CEMIP: variants seen among roughly 807,000 people sequenced by gnomAD.
CEMIP encodes cell migration inducing hyaluronidase 1.
A neutral mutation model predicts 156.9 loss-of-function variants in CEMIP; 105 were observed. The ratio of observed to expected loss-of-function variants is 0.67; its 90% confidence interval spans 0.57 to 0.79. The LOEUF is 0.79. CEMIP is among the 30% of genes least tolerant of loss of function. CEMIP has a pLI of 0.00. For synonymous variants in CEMIP, 676 were observed against 668.4 expected, an observed-to-expected ratio of 1.01 and a Z score of -0.17; for missense variants, 1,457 against 1,769.4, an observed-to-expected ratio of 0.82 and a Z score of 3.17.
At chr15:80,781,231 G>T (rs962612443) in intron 1 of CEMIP, among the ~76,000 whole-genome samples, 2 of 152,238 alleles carry the variant, frequency 1.3e-5, no homozygotes, top group Non-Finnish European at 2.9e-5. Context: ...ATATGGGATT[G>T]GGAGGATATA....
intron 1 of CEMIP, among the ~76,000 whole-genome samples, chr15:80,786,424 T>C (rs1895939674): frequency 6.6e-6 from 1 of 152,114 alleles, no homozygotes; most frequent in South Asian, 2.1e-4. Flanking sequence ...ATGAGTTTCA[T>C]CGTGTTGCTC....
intron 3 of CEMIP, among the ~76,000 whole-genome samples, chr15:80,877,719 C>G (rs1433900171): frequency 6.6e-6 from 1 of 152,240 alleles, no homozygotes; most frequent in African/African-American, 2.4e-5. Flanking sequence ...CATTGAGACT[C>G]TTTCCTGTGC....
At chr15:80,833,479 C>T (rs1897201114) in intron 1 of CEMIP, among the ~76,000 whole-genome samples, 1 of 152,040 alleles carries the variant, frequency 6.6e-6, no homozygotes, top group Admixed American at 6.6e-5. Flanking sequence ...TTTTTTTCCT[C>T]CAAAGGAATC....
intron 1 of CEMIP, among the ~76,000 whole-genome samples, chr15:80,799,616 C>T (rs534476319): frequency 6.6e-6 from 1 of 152,292 alleles, no homozygotes; most frequent in Admixed American, 6.5e-5. Context: ...GACATACTTG[C>T]ACTTATATTT....
chr15:80,817,677 TG>T (rs1373745341), intron 1 of CEMIP, among the ~76,000 whole-genome samples: 2 of 151,332 alleles, frequency 1.3e-5, no homozygotes, highest in Non-Finnish European at 2.9e-5. Context: ...TGGGAACATT[TG>T]GGGGTATGTG....
At chr15:80,845,532 G>A (rs546916032) in intron 1 of CEMIP, among the ~76,000 whole-genome samples, 1 of 152,308 alleles carries the variant, frequency 6.6e-6, no homozygotes, top group South Asian at 2.1e-4. Context: ...TGTCAGTGGA[G>A]CCTATTTGAG....
At chr15:80,903,036 T>A (rs1899638060) in intron 12 of CEMIP, 1 of 152,194 alleles carries the variant, frequency 6.6e-6, no homozygotes, top group Admixed American at 6.5e-5. Context: ...TGAGCTGAGT[T>A]GGAATCTGAC....
chr15:80,846,147 C>T (rs551493169), intron 1 of CEMIP, among the ~76,000 whole-genome samples: 1 of 152,314 alleles, frequency 6.6e-6, no homozygotes, highest in Admixed American at 6.5e-5. Context: ...GAAGCACAGT[C>T]ATGGAATACT....
intron 1 of CEMIP, among the ~76,000 whole-genome samples, chr15:80,808,280 G>A (rs1896564459): frequency 6.6e-6 from 1 of 152,162 alleles, no homozygotes; most frequent in Non-Finnish European, 1.5e-5. Flanking sequence ...TGCTGGGGAT[G>A]GCCCACCTGC....
chr15:80,902,453 C>T (rs1232245460), intron 12 of CEMIP, among the ~76,000 whole-genome samples: 3 of 152,050 alleles, frequency 2.0e-5, no homozygotes, highest in Admixed American at 6.6e-5. Context: ...GGATGGGGTG[C>T]GGGGGAGTCA....
At chr15:80,916,003 A>G (rs1204675657) in intron 14 of CEMIP, among the ~76,000 whole-genome samples, 1 of 152,216 alleles carries the variant, frequency 6.6e-6, no homozygotes, top group Non-Finnish European at 1.5e-5. Flanking sequence ...ATTAACATAA[A>G]TCATATCATA....
In CEMIP at chr15:80,949,039, CGT is replaced by C; in HGVS notation, c.*118_*119del. ...CCTGCCAGCAGCTGCCTGGGAAGGC[CGT>C]GTTTCAGCCCTGATGGGCCAAGGGA... On this transcript the variant is annotated 3_prime_UTR_variant, in exon 30 of 30. Transcript: ENST00000394685. 7.1e-7 allele frequency: 1 copy of C among 1,403,366 alleles called. No individual in the cohort carries two copies. The highest frequency in any genetic ancestry group is 1.2e-5 in the South Asian group (1 of 86,446). 86.9% of individuals were successfully genotyped at this position (1,403,366 alleles called of 1,614,324 possible). A position where few individuals can be genotyped will look rare whatever the true frequency, so the allele number is the denominator to read the frequency against.
chr15:80,868,196 A>C (rs1024065498), intron 1 of CEMIP, among the ~76,000 whole-genome samples: 2 of 152,024 alleles, frequency 1.3e-5, no homozygotes, highest in African/African-American at 4.8e-5. Context: ...AGCTTCTCTG[A>C]CCACCACAAG....
At position 80,878,746 on chromosome 15, in the gene CEMIP, C is replaced by A; in HGVS notation, c.120C>A (p.Ser40Arg). The change falls in exon 4 of 30, where the codon AGC (serine) becomes AGA (arginine). Residue 40 changes from serine (S) to arginine (R), a missense_variant. Ser to Arg is a moderately radical substitution (Grantham distance 110, BLOSUM62 -1). Around this residue, in one of 5 missense-constraint regions of CEMIP, gnomAD observed 309 missense variants for 340.8 expected, o/e 0.91. Coordinates refer to ENST00000394685, the MANE Select transcript of CEMIP (RefSeq NM_001293298.2). ...STVAAGCPDQSPELQPWNPGH... is the reference protein window; with the variant it reads ...STVAAGCPDQRPELQPWNPGH... ...TGGCTGCTGGGTGCCCTGACCAGAGCCCTGAGTTGCAACCCTGGAACCCTG... is the reference window on the plus strand; with the variant it reads ...TGGCTGCTGGGTGCCCTGACCAGAGACCTGAGTTGCAACCCTGGAACCCTG... 1 of 1,614,152 alleles carries A rather than the reference C, an allele frequency of 6.2e-7. No homozygotes were observed. Among genetic ancestry groups the A allele is most frequent in the South Asian group, 1.1e-5 (1 of 91,086 alleles).
chr15:80,881,436 G>T (rs914911995), intron 6 of CEMIP, among the ~76,000 whole-genome samples: 2 of 152,224 alleles, frequency 1.3e-5, no homozygotes, highest in Non-Finnish European at 2.9e-5. Flanking sequence ...GACCACTTTG[G>T]ATAGGGTGGT....
At chr15:80,789,138 T>C (rs1896017192) in intron 1 of CEMIP, among the ~76,000 whole-genome samples, 1 of 152,190 alleles carries the variant, frequency 6.6e-6, no homozygotes, top group African/African-American at 2.4e-5. Flanking sequence ...TTTGGAAGGT[T>C]AGCATCCCAG....
At chr15:80,799,902 G>A (rs1402045987) in intron 1 of CEMIP, among the ~76,000 whole-genome samples, 1 of 152,038 alleles carries the variant, frequency 6.6e-6, no homozygotes, top group Non-Finnish European at 1.5e-5. Context: ...AGGCTGGAGT[G>A]CAGTAGCATG....
intron 10 of CEMIP, among the ~76,000 whole-genome samples, chr15:80,891,271 C>T (rs991287555): frequency 6.6e-6 from 1 of 152,188 alleles, no homozygotes; most frequent in Non-Finnish European, 1.5e-5. Flanking sequence ...AAACAGCATT[C>T]CTTAGACATT....
intron 1 of CEMIP, among the ~76,000 whole-genome samples, chr15:80,864,255 T>A (rs1898062305): frequency 6.6e-6 from 1 of 152,208 alleles, no homozygotes; most frequent in African/African-American, 2.4e-5. Context: ...TAGGTCATAT[T>A]TGGGTTTTTT....
Sources: gnomAD v4.1 joint callset for allele counts (sites outside exome capture counted in the v4.1 genomes callset) on GRCh38, gnomAD v4.1.1 for gene constraint, gnomAD v4.1.1 regional missense constraint, MANE v1.5 for transcripts, NCBI Gene and HGNC (gene_info 2026-07-23, HGNC 2026-07-21) for gene names.